TNKS: variants seen among roughly 807,000 people sequenced by gnomAD.
The protein encoded by TNKS is tankyrase, also known as poly [ADP-ribose] polymerase tankyrase-1.
Under a neutral mutation model 135.8 loss-of-function variants are expected in TNKS, and 72 were observed. The ratio of observed to expected loss-of-function variants is 0.53; its 90% confidence interval spans 0.44 to 0.64. The LOEUF is 0.64. TNKS is among the 30% of genes least tolerant of loss of function. The pLI is 0.00. For missense variants in TNKS, 1,769 were observed against 1,674.0 expected (o/e 1.06, Z -0.99); for synonymous variants, 849 against 649.3 (o/e 1.31, Z -4.68).
At chr8:9,584,346 A>C (rs574848025) in intron 2 of TNKS, among the ~76,000 whole-genome samples, 3 of 152,210 alleles carry the variant, frequency 2.0e-5, no homozygotes, top group East Asian at 3.9e-4. Flanking sequence ...ACTTCTTTGC[A>C]GTCAGGGATT....
chr8:9,652,609 T>C (rs924514554), intron 3 of TNKS, among the ~76,000 whole-genome samples: 3 of 152,204 alleles, frequency 2.0e-5, no homozygotes, highest in African/African-American at 4.8e-5. Context: ...TAAATATTAA[T>C]TCTTTTCATC....
intron 9 of TNKS, among the ~76,000 whole-genome samples, chr8:9,708,741 C>G (rs1421106707): frequency 6.6e-6 from 1 of 152,132 alleles, no homozygotes; most frequent in East Asian, 1.9e-4. Context: ...CTCATTATAA[C>G]AAATCCACTT....
At chr8:9,705,689 G>T (rs1804008702) in intron 6 of TNKS, among the ~76,000 whole-genome samples, 1 of 152,184 alleles carries the variant, frequency 6.6e-6, no homozygotes, top group Non-Finnish European at 1.5e-5. Flanking sequence ...CCTTGTGCAT[G>T]TCTGAAAACA....
intron 5 of TNKS, 38 bp from the exon 6 acceptor site, chr8:9,704,625 T>G (rs369633352): frequency 6.5e-7 from 1 of 1,536,802 alleles, no homozygotes; most frequent in Non-Finnish European, 9.0e-7. Context: ...CTTTGTTTGT[T>G]TGTTTTTACC....
chr8:9,621,740 A>G (rs1429655076), intron 3 of TNKS, among the ~76,000 whole-genome samples: 1 of 152,210 alleles, frequency 6.6e-6, no homozygotes, highest in Non-Finnish European at 1.5e-5. Flanking sequence ...CTGAACTTAA[A>G]GAATTACTTA....
intron 2 of TNKS, among the ~76,000 whole-genome samples, chr8:9,590,040 A>C (rs1256819018): frequency 6.6e-6 from 1 of 152,238 alleles, no homozygotes; most frequent in Non-Finnish European, 1.5e-5. Context: ...TGGTGACAGC[A>C]GAGCATTGGG....
chr8:9,643,818 C>T (rs1213092522), intron 3 of TNKS, among the ~76,000 whole-genome samples: 1 of 152,156 alleles, frequency 6.6e-6, no homozygotes, highest in Non-Finnish European at 1.5e-5. Context: ...GATATTTGTA[C>T]ACTCATGTTG....
At chr8:9,570,663 G>C (rs1469754235) in intron 1 of TNKS, among the ~76,000 whole-genome samples, 1 of 152,230 alleles carries the variant, frequency 6.6e-6, no homozygotes, top group Non-Finnish European at 1.5e-5. Flanking sequence ...TGATGGGCTT[G>C]GGACTCAGAT....
intron 1 of TNKS, among the ~76,000 whole-genome samples, chr8:9,572,529 C>G (rs928304394): frequency 2.6e-5 from 4 of 152,194 alleles, no homozygotes; most frequent in African/African-American, 9.7e-5. Flanking sequence ...TTTCATGTCA[C>G]TAGTCTTTCC....
At chr8:9,652,054 A>G (rs1254854866) in intron 3 of TNKS, among the ~76,000 whole-genome samples, 1 of 150,018 alleles carries the variant, frequency 6.7e-6, no homozygotes, top group Non-Finnish European at 1.5e-5. Flanking sequence ...GAAAAATGAC[A>G]TGTATTAAAT....
chr8:9,689,181 C>G (rs1803148349), intron 5 of TNKS, among the ~76,000 whole-genome samples: 4 of 152,144 alleles, frequency 2.6e-5, no homozygotes, highest in African/African-American at 9.7e-5. Flanking sequence ...ATCACTCAAG[C>G]TTGCTTCTCT....
chr8:9,578,653 A>G (rs563702251), intron 1 of TNKS, among the ~76,000 whole-genome samples: 10 of 152,012 alleles, frequency 6.6e-5, no homozygotes, highest in African/African-American at 2.2e-4. Context: ...TTTTCCCCTT[A>G]CTCTTTTCCA....
At chr8:9,768,055 C>CTAAT (rs1807574134) in intron 25 of TNKS, among the ~76,000 whole-genome samples, 1 of 151,342 alleles carries the variant, frequency 6.6e-6, no homozygotes, top group Non-Finnish European at 1.5e-5. Flanking sequence ...TGCTTCAAAC[C>CTAAT]TAATTCCTCT....
chr8:9,559,878 G>A (rs35197051), intron 1 of TNKS, among the ~76,000 whole-genome samples: 1 of 152,058 alleles, frequency 6.6e-6, no homozygotes, highest in Non-Finnish European at 1.5e-5. Context: ...TTTAGAGACT[G>A]TGTTAATAAT....
intron 3 of TNKS, among the ~76,000 whole-genome samples, chr8:9,633,574 C>T (rs2128772759): frequency 6.6e-6 from 1 of 152,316 alleles, no homozygotes. Context: ...TCCCCTCCCA[C>T]ATTGTAGAAG....
intron 13 of TNKS, among the ~76,000 whole-genome samples, chr8:9,729,771 CTTTTTTTTTT>C (rs763357075): frequency 2.1e-5 from 2 of 95,016 alleles, no homozygotes; most frequent in Admixed American, 1.5e-4. Context: ...ATATGATATT[CTTTTTTTTTT>C]TTTTTTTTTT....
chr8:9,566,992 C>T (rs926852111), intron 1 of TNKS, among the ~76,000 whole-genome samples: 5 of 152,132 alleles, frequency 3.3e-5, no homozygotes, highest in Non-Finnish European at 5.9e-5. Context: ...ATCTGGTTGT[C>T]GTAAAATCAT....
chr8:9,627,057 T>C (rs1215522882), intron 3 of TNKS, among the ~76,000 whole-genome samples: 2 of 151,922 alleles, frequency 1.3e-5, no homozygotes, highest in African/African-American at 4.8e-5. Context: ...AGGCTGAAGG[T>C]TAAGTTGATC....
At chr8:9,636,915 T>G (rs1352666934) in intron 3 of TNKS, among the ~76,000 whole-genome samples, 1 of 152,204 alleles carries the variant, frequency 6.6e-6, no homozygotes, top group African/African-American at 2.4e-5. Context: ...CAGGCCTACT[T>G]AGAATGTCAG....
Sources: allele counts gnomAD v4.1 joint callset (sites outside exome capture counted in the v4.1 genomes callset), GRCh38; gene constraint gnomAD v4.1.1; transcripts MANE v1.5; gene names NCBI Gene and HGNC (gene_info 2026-07-23, HGNC 2026-07-21).